Variants in FAM114A1 observed in about 807,000 individuals in gnomAD.
The protein encoded by FAM114A1 is family with sequence similarity 114 member A1, also known as protein NOXP20.
A neutral mutation model predicts 64.3 loss-of-function variants in FAM114A1; 62 were observed. The observed-to-expected ratio is 0.96, with a 90% CI of 0.79 to 1.19. FAM114A1 has a LOEUF of 1.19. FAM114A1 is among the 50% of genes most tolerant of loss of function. The pLI is 0.00. For synonymous variants in FAM114A1, 254 were observed against 251.1 expected (o/e 1.01, Z -0.11); for missense variants, 645 against 676.3 (o/e 0.95, Z 0.51).
chr4:38,872,870 C>G (rs1279393167), intron 2 of FAM114A1, among the ~76,000 whole-genome samples: 1 of 152,166 alleles, frequency 6.6e-6, no homozygotes, highest in Non-Finnish European at 1.5e-5. Flanking sequence ...TATCTCTGGT[C>G]CAATAAAACT....
At chr4:38,919,470 C>G (rs1719381943) in intron 8 of FAM114A1, among the ~76,000 whole-genome samples, 2 of 152,216 alleles carry the variant, frequency 1.3e-5, no homozygotes, top group African/African-American at 4.8e-5. Flanking sequence ...GCCAGTGGCA[C>G]CATCCCACTG....
chr4:38,874,348 A>C (rs1250210024), intron 2 of FAM114A1, among the ~76,000 whole-genome samples: 1 of 152,184 alleles, frequency 6.6e-6, no homozygotes, highest in Non-Finnish European at 1.5e-5. Flanking sequence ...GACAGCTCTG[A>C]GTTATTGGGA....
chr4:38,886,927 CAAAAAAA>C (rs570020908), intron 3 of FAM114A1, among the ~76,000 whole-genome samples: 1 of 58,920 alleles, frequency 1.7e-5, no homozygotes, highest in African/African-American at 5.5e-5. Context: ...GACTCCGTCT[CAAAAAAA>C]AAAAAAAAAA....
At chr4:38,877,795 T>G (rs1714797094) in intron 2 of FAM114A1, among the ~76,000 whole-genome samples, 1 of 152,048 alleles carries the variant, frequency 6.6e-6, no homozygotes, top group Admixed American at 6.6e-5. Context: ...AAAAACCCCG[T>G]TTCTACTAAA....
intron 7 of FAM114A1, among the ~76,000 whole-genome samples, chr4:38,911,582 G>A (rs905862788): frequency 3.9e-5 from 6 of 152,150 alleles, no homozygotes; most frequent in African/African-American, 1.4e-4. Flanking sequence ...GCTGATTCTG[G>A]CTATAATTTG....
At position 38,935,923 on chromosome 4, in the gene FAM114A1, C is replaced by T; in HGVS notation, c.1536+133C>T. Reference sequence around the variant, plus strand: ...TGCCATGATGTAAGCTGAAGTCAGGCCAAGAGTAACTTCTCTAAGGACAGG... The same window carrying T: ...TGCCATGATGTAAGCTGAAGTCAGGTCAAGAGTAACTTCTCTAAGGACAGG... On this transcript the variant is annotated intron_variant, in intron 13 of 14. Coordinates refer to ENST00000358869, the MANE Select transcript of FAM114A1 (RefSeq NM_138389.4). 6.1e-6 allele frequency: 4 copies of T among 659,982 alleles called. No homozygotes were observed. The South Asian group carries it at 8.0e-5, about 13-fold the overall frequency. 40.9% of individuals were successfully genotyped at this position (659,982 alleles called of 1,614,324 possible).
rs988761378 is a variant in FAM114A1, at chr4:38,891,812, T to A, written c.418T>A (p.Ser140Thr). 7.4e-6 allele frequency: 12 copies of A among 1,612,318 alleles called. No homozygotes were observed. In the Admixed American group the frequency reaches 1.2e-4, roughly 16 times the overall value. Residue 140 changes from serine to threonine, a missense_variant, in exon 4 of 15, where the codon TCA becomes ACA. Coordinates refer to ENST00000358869, the MANE Select transcript of FAM114A1 (RefSeq NM_138389.4). ...WGSWGKSLLS[S>T]ASATVGHGLT... Reference sequence around the variant, plus strand: ...ATCCTGGGGCAAATCTCTGCTGTCGTCAGCATCTGCCACAGTAGGTAAGCA... The same window carrying A: ...ATCCTGGGGCAAATCTCTGCTGTCGACAGCATCTGCCACAGTAGGTAAGCA...
chr4:38,870,442 G>C (rs1347680889), intron 2 of FAM114A1, among the ~76,000 whole-genome samples: 1 of 152,220 alleles, frequency 6.6e-6, no homozygotes. Flanking sequence ...GAAGGATAGT[G>C]ACCATGTCTT....
At chr4:38,921,281 GT>G (rs1329117495) in intron 8 of FAM114A1, among the ~76,000 whole-genome samples, 1 of 151,834 alleles carries the variant, frequency 6.6e-6, no homozygotes, top group Non-Finnish European at 1.5e-5. Context: ...ATAATGTTCT[GT>G]TTTTTTTGAA....
intron 2 of FAM114A1, among the ~76,000 whole-genome samples, chr4:38,873,432 A>G (rs957805639): frequency 6.6e-6 from 1 of 152,196 alleles, no homozygotes; most frequent in Non-Finnish European, 1.5e-5. Context: ...TGAGCTTCCT[A>G]CTATGCACAG....
intron 3 of FAM114A1, among the ~76,000 whole-genome samples, chr4:38,880,430 T>C (rs937560787): frequency 6.6e-6 from 1 of 152,224 alleles, no homozygotes; most frequent in Non-Finnish European, 1.5e-5. Context: ...CCTTTCATTC[T>C]TTTGGCTACT....
intron 4 of FAM114A1, among the ~76,000 whole-genome samples, chr4:38,892,546 T>A (rs1239138563): frequency 6.6e-6 from 1 of 152,196 alleles, no homozygotes; most frequent in Non-Finnish European, 1.5e-5. Flanking sequence ...TGAGTGCAAA[T>A]TTGTCATGAT....
intron 6 of FAM114A1, among the ~76,000 whole-genome samples, chr4:38,908,282 A>G (rs1027025454): frequency 6.6e-6 from 1 of 152,194 alleles, no homozygotes; most frequent in Admixed American, 6.6e-5. Flanking sequence ...TGTCTTAGAT[A>G]CACATCCATT....
intron 2 of FAM114A1, among the ~76,000 whole-genome samples, chr4:38,877,702 C>T (rs562965806): frequency 3.9e-5 from 6 of 152,290 alleles, no homozygotes; most frequent in East Asian, 3.9e-4. Context: ...CGGTGGCTCA[C>T]GCCTGTAATC....
intron 8 of FAM114A1, among the ~76,000 whole-genome samples, chr4:38,918,688 G>A (rs1213429716): frequency 3.9e-5 from 6 of 152,202 alleles, no homozygotes; most frequent in African/African-American, 7.2e-5. Flanking sequence ...GCCAGGCACG[G>A]TGGCTCACAC....
chr4:38,945,469 C>T lies in FAM114A1; in HGVS notation c.*1912C>T, dbSNP rs982648093. 6.6e-6 allele frequency: 1 copy of T among 152,256 alleles called. No individual in the cohort carries two copies. The highest frequency in any genetic ancestry group is 2.1e-4 in the South Asian group (1 of 4,832). 9.4% of individuals were successfully genotyped at this position (152,256 alleles called of 1,614,324 possible). ...ATGTGAAGCCTTGCCTAGTAGTTCTCTCCAGGGCAAATGAAGCTCACAGTT... is the reference window on the plus strand; with the variant it reads ...ATGTGAAGCCTTGCCTAGTAGTTCTTTCCAGGGCAAATGAAGCTCACAGTT... On this transcript the variant is annotated 3_prime_UTR_variant, in exon 15 of 15. Coordinates refer to ENST00000358869, the MANE Select transcript of FAM114A1 (RefSeq NM_138389.4).
Position 38,898,923 on chromosome 4 carries a change from TTA to T in FAM114A1, c.437-6591_437-6590del, listed in dbSNP as rs201273419. Reference sequence around the variant, plus strand: ...TTTATATATATGAGTAATATATATGTTATATATATGTTATATATTTATATGTT... The same window carrying T: ...TTTATATATATGAGTAATATATATGTTATATATGTTATATATTTATATGTT... On this transcript the variant is annotated intron_variant, in intron 4 of 14. Coordinates refer to ENST00000358869, the MANE Select transcript of FAM114A1 (RefSeq NM_138389.4). Among the ~76,000 whole-genome samples the T allele has an allele frequency of 1.9e-3, 280 of 147,724 alleles. 3 individuals are homozygous for T. Among genetic ancestry groups the T allele is most frequent in the African/African-American group, 6.7e-3 (270 of 40,382 alleles).
intron 4 of FAM114A1, among the ~76,000 whole-genome samples, chr4:38,897,934 A>G (rs1480190860): frequency 6.6e-6 from 1 of 151,552 alleles, no homozygotes; most frequent in African/African-American, 2.4e-5. Context: ...CAACAGAACA[A>G]GACTCTGTTT....
At chr4:38,918,092 C>T (rs1015563150) in intron 8 of FAM114A1, among the ~76,000 whole-genome samples, 8 of 151,592 alleles carry the variant, frequency 5.3e-5, no homozygotes, top group Non-Finnish European at 1.2e-4. Flanking sequence ...GGCATGGTGA[C>T]GCATGCCTTT....
Sources: gnomAD v4.1 joint callset for allele counts (sites outside exome capture counted in the v4.1 genomes callset) on GRCh38, gnomAD v4.1.1 for gene constraint, MANE v1.5 for transcripts, NCBI Gene and HGNC (gene_info 2026-07-23, HGNC 2026-07-21) for gene names.